ABCC12: variants seen among roughly 807,000 people sequenced by gnomAD.
ABCC12 encodes the protein ATP-binding cassette sub-family C member 12.
Under a neutral mutation model 151.1 loss-of-function variants are expected in ABCC12, and 142 were observed. The ratio of observed to expected loss-of-function variants is 0.94; its 90% CI spans 0.82 to 1.08. The LOEUF is 1.08. Ranked by LOEUF, ABCC12 falls within the 50% of genes least tolerant of loss-of-function variation. ABCC12 has a pLI of 0.00. For synonymous variants in ABCC12, 645 were observed against 646.4 expected (o/e 1.00, Z 0.03); for missense variants, 1,638 against 1,691.1 (o/e 0.97, Z 0.55).
chr16:48,111,686 C>T, intron 16 of ABCC12, 24 bp from the exon 17 acceptor site: 1 of 1,614,110 alleles, frequency 6.2e-7, no homozygotes, highest in Non-Finnish European at 8.5e-7. Flanking sequence ...GAAATTCCTT[C>T]TGAATGCTAA....
chr16:48,107,262 C>T lies in ABCC12; in HGVS notation c.2475+60G>A. On this transcript the variant is annotated intron_variant, in intron 20 of 30. Coordinates refer to ENST00000311303, the MANE Select transcript of ABCC12 (RefSeq NM_001393797.1). ...TGGCAGGGGCAGTCAGATGCTCTGG[C>T]AGCAGAGTTTTACTCCAAGACACAG... The T allele has an allele frequency of 4.0e-6, 6 of 1,509,758 alleles. No homozygotes were observed. The South Asian group carries it at 6.8e-5, about 17-fold the overall frequency. 93.5% of individuals were successfully genotyped at this position (1,509,758 alleles called of 1,614,324 possible).
intron 23 of ABCC12, among the ~76,000 whole-genome samples, chr16:48,098,502 T>C (rs544623908): frequency 6.6e-6 from 1 of 152,324 alleles, no homozygotes; most frequent in Non-Finnish European, 1.5e-5. Context: ...TCCTCCTCTC[T>C]GTTTCAACTC....
At chr16:48,148,111 C>A (rs778174266) in intron 2 of ABCC12, among the ~76,000 whole-genome samples, 7 of 151,944 alleles carry the variant, frequency 4.6e-5, no homozygotes, top group Non-Finnish European at 5.9e-5. Context: ...CTGCGTCTGG[C>A]TAATTTTTGT....
At chr16:48,119,702 A>C (rs1226708628) in intron 13 of ABCC12, among the ~76,000 whole-genome samples, 1 of 152,210 alleles carries the variant, frequency 6.6e-6, no homozygotes, top group Non-Finnish European at 1.5e-5. Context: ...AAGATGAGAA[A>C]GGCCAAACTA....
intron 23 of ABCC12, among the ~76,000 whole-genome samples, chr16:48,097,202 A>G (rs1247415885): frequency 2.0e-5 from 3 of 152,158 alleles, no homozygotes; most frequent in African/African-American, 7.2e-5. Context: ...GGCAGCTAGA[A>G]TCTACAGCTG....
In ABCC12 at chr16:48,117,374, C is replaced by T. The variant is rs74018247; in HGVS notation, c.1713-41G>A. ...TCAGAAGTAGCTGGGTGAGAAAGACCCCAAGCACTGCTGCCCTGGGCTGCT... is the reference window on the plus strand; with the variant it reads ...TCAGAAGTAGCTGGGTGAGAAAGACTCCAAGCACTGCTGCCCTGGGCTGCT... On this transcript the variant is annotated intron_variant, in intron 13 of 30. Transcript: ENST00000311303. 5,138 of 1,603,678 alleles carry T rather than the reference C, an allele frequency of 3.2e-3. 139 individuals are homozygous for T. In the African/African-American group the frequency reaches 0.062, roughly 19 times the overall value.
At chr16:48,113,610 G>C (rs2150621781) in intron 15 of ABCC12, among the ~76,000 whole-genome samples, 1 of 152,352 alleles carries the variant, frequency 6.6e-6, no homozygotes, top group Non-Finnish European at 1.5e-5. Context: ...AAAGCCCCGG[G>C]CCGCAGTTCT....
chr16:48,083,590 C>T lies in ABCC12; in HGVS notation c.*125G>A. The T allele has an allele frequency of 1.0e-6, 1 of 956,644 alleles. No homozygotes were observed. The allele number at this position is 956,644 out of a possible 1,614,324, so 59.3% of individuals were successfully genotyped here. On this transcript the variant is annotated 3_prime_UTR_variant, in exon 31 of 31. Coordinates refer to ENST00000311303, the MANE Select transcript of ABCC12 (RefSeq NM_001393797.1). Reference sequence around the variant, plus strand: ...AGTGGGGACAACTTCAGCCCCAGCTCACTCCGTGGATGGGAGGGGCTGAAG... The same window carrying T: ...AGTGGGGACAACTTCAGCCCCAGCTTACTCCGTGGATGGGAGGGGCTGAAG...
In ABCC12 at chr16:48,083,474, G is replaced by GT; in HGVS notation, c.*240dup. ...TTGGGGATTTGGGAGGTGAAGGGCA[G>GT]TTTTTTAATCCATTAGCTGGGTCTG... is the stretch of plus-strand genomic sequence containing the variant. On this transcript the variant is annotated 3_prime_UTR_variant, in exon 31 of 31. Coordinates refer to ENST00000311303, the MANE Select transcript of ABCC12 (RefSeq NM_001393797.1). 2.1e-6 allele frequency: 1 copy of GT among 477,150 alleles called. No homozygotes were observed. The highest frequency in any genetic ancestry group is 3.6e-6 in the Non-Finnish European group (1 of 274,564). The allele number at this position is 477,150 out of a possible 1,614,324, so 29.6% of individuals were successfully genotyped here. A position where few individuals can be genotyped will look rare whatever the true frequency, so the allele number is the denominator to read the frequency against.
At position 48,105,257 on chromosome 16, in the gene ABCC12, T is replaced by G; in HGVS notation, c.2555A>C (p.Gln852Pro). ...VLADIGQHVY[Q>P]WVYTASMVFM... ...CACCATGCTTGCAGTGTACACCCAC[T>G]GGTACACATGCTGACCGATGTCTGC... The change falls in exon 21 of 31, where the codon CAG (glutamine) becomes CCG (proline). Residue 852 changes from glutamine to proline, a missense_variant. By Grantham distance (76) the Gln-to-Pro change is moderately conservative (BLOSUM62 -1). Transcript: ENST00000311303. 1.2e-6 allele frequency: 2 copies of G among 1,614,110 alleles called. No homozygotes were observed. The highest frequency in any genetic ancestry group is 1.7e-6 in the Non-Finnish European group (2 of 1,180,036).
intron 3 of ABCC12, among the ~76,000 whole-genome samples, chr16:48,145,919 C>A (rs1964984724): frequency 6.6e-6 from 1 of 152,258 alleles, no homozygotes; most frequent in African/African-American, 2.4e-5. Flanking sequence ...TTGAGACAGT[C>A]TGTTACAAAG....
chr16:48,127,016 A>G (rs544397288), intron 11 of ABCC12, among the ~76,000 whole-genome samples: 32 of 152,268 alleles, frequency 2.1e-4, no homozygotes, highest in African/African-American at 7.5e-4. Context: ...AGTGGCGAGA[A>G]GGCAAAGTAG....
intron 24 of ABCC12, among the ~76,000 whole-genome samples, chr16:48,091,496 C>G (rs566040406): frequency 6.6e-6 from 1 of 152,222 alleles, no homozygotes; most frequent in African/African-American, 2.4e-5. Context: ...CTTGATCACA[C>G]GCCTCTTTGA....
chr16:48,146,044 G>C (rs1311197941), intron 3 of ABCC12, among the ~76,000 whole-genome samples: 1 of 152,108 alleles, frequency 6.6e-6, no homozygotes, highest in Non-Finnish European at 1.5e-5. Flanking sequence ...GAGTGAATGA[G>C]AAGATATTTG....
chr16:48,130,955 G>A (rs778744157), intron 9 of ABCC12, 60 bp from the exon 10 acceptor site: 20 of 1,180,588 alleles, frequency 1.7e-5, no homozygotes, highest in Non-Finnish European at 2.5e-5. Flanking sequence ...GCTCTAAACC[G>A]TTATACACAT....
Position 48,105,251 on chromosome 16 carries a change from A to G in ABCC12, c.2561T>C (p.Val854Ala). ...CATGAACACCATGCTTGCAGTGTAC[A>G]CCCACTGGTACACATGCTGACCGAT... is the stretch of plus-strand genomic sequence containing the variant. ...ADIGQHVYQWVYTASMVFMLV... is the reference protein window; with the variant it reads ...ADIGQHVYQWAYTASMVFMLV... Residue 854 changes from valine to alanine, a missense_variant, in exon 21 of 31, where the codon GTG becomes GCG. By Grantham distance (64) the Val-to-Ala change is moderately conservative (BLOSUM62 0). Coordinates refer to ENST00000311303, the MANE Select transcript of ABCC12 (RefSeq NM_001393797.1). 6.2e-7 allele frequency: 1 copy of G among 1,614,088 alleles called. No individual in the cohort carries two copies. The highest frequency in any genetic ancestry group is 8.5e-7 in the Non-Finnish European group (1 of 1,180,042).
chr16:48,111,405 G>A, intron 18 of ABCC12, 31 bp downstream of exon 18: 3 of 1,601,936 alleles, frequency 1.9e-6, no homozygotes, highest in Non-Finnish European at 2.6e-6. Context: ...ATCCTTAAGT[G>A]TATGTGACTG....
rs1330815346 is a variant in ABCC12 at position 48,082,001 on chromosome 16, A to G, written c.*1714T>C. Among the ~76,000 whole-genome samples the G allele has an allele frequency of 6.6e-6, 1 of 152,170 alleles. No individual in the cohort carries two copies. Among genetic ancestry groups the G allele is most frequent in the Non-Finnish European group, 1.5e-5 (1 of 68,034 alleles). Reference sequence around the variant, plus strand: ...TCTTATGTCCATAAAGGTGATGCCCACACTCAGCTGGGAGCAGCTGCTCAG... The same window carrying G: ...TCTTATGTCCATAAAGGTGATGCCCGCACTCAGCTGGGAGCAGCTGCTCAG... On this transcript the variant is annotated 3_prime_UTR_variant, in exon 31 of 31. Transcript: ENST00000311303.
intron 20 of ABCC12, 93 bp downstream of exon 20, chr16:48,107,229 T>C (rs1354062576): frequency 4.9e-6 from 6 of 1,214,368 alleles, no homozygotes; most frequent in African/African-American, 1.5e-5. Flanking sequence ...TGTGGGCTCA[T>C]GGCATGGTGG....
Sources: allele counts gnomAD v4.1 joint callset (sites outside exome capture counted in the v4.1 genomes callset), GRCh38; gene constraint gnomAD v4.1.1; transcripts MANE v1.5; gene names NCBI Gene and HGNC (gene_info 2026-07-23, HGNC 2026-07-21).